SLC16A12: variants seen among roughly 807,000 people sequenced by gnomAD.
The protein encoded by SLC16A12 is solute carrier family 16 member 12.
A neutral mutation model predicts 42.4 loss-of-function variants in SLC16A12; 17 were observed. The ratio of observed to expected loss-of-function variants is 0.40; its 90% CI spans 0.27 to 0.60. SLC16A12 has a LOEUF of 0.60. Among genes scored for constraint, SLC16A12 ranks in the 20% least tolerant of loss-of-function variants. The pLI is 0.42. For missense variants in SLC16A12, 544 were observed against 623.0 expected (o/e 0.87, Z 1.35); for synonymous variants, 224 against 229.4 (o/e 0.98, Z 0.21).
chr10:89,469,705 G>A (rs529547785), intron 2 of SLC16A12, among the ~76,000 whole-genome samples: 1 of 152,242 alleles, frequency 6.6e-6, no homozygotes, highest in South Asian at 2.1e-4. Context: ...GTGGGCATTT[G>A]GGCTGAGTCC....
In SLC16A12 at chr10:89,506,627, G is replaced by A. The variant is rs538970065; in HGVS notation, c.-47+27874C>T. 3.9e-5 allele frequency among the ~76,000 whole-genome samples: 6 copies of A among 152,248 alleles called. No individual in the cohort carries two copies. The East Asian group carries it at 5.8e-4, about 15-fold the overall frequency. ...ACCACAAAGATGGGGAGAAACCAGC[G>A]CAGAAAGGCTAAAAATTCCAAAAAC... On this transcript the variant is annotated intron_variant, in intron 2 of 7. Transcript: ENST00000371790.
intron 2 of SLC16A12, among the ~76,000 whole-genome samples, chr10:89,478,199 T>C (rs1464682620): frequency 6.6e-6 from 1 of 151,866 alleles, no homozygotes; most frequent in Admixed American, 6.6e-5. Context: ...TCTTGGAGAG[T>C]TGACGTAGAA....
intron 4 of SLC16A12, among the ~76,000 whole-genome samples, chr10:89,443,542 C>A (rs752329679): frequency 1.8e-4 from 27 of 152,222 alleles, no homozygotes; most frequent in Non-Finnish European, 3.4e-4. Flanking sequence ...AACTGTTCTA[C>A]CTGACATCAG....
chr10:89,453,883 C>T lies in SLC16A12; in HGVS notation c.200+8496G>A, dbSNP rs1329080418. On this transcript the variant is annotated intron_variant, in intron 3 of 7. Coordinates refer to ENST00000371790, the MANE Select transcript of SLC16A12 (RefSeq NM_213606.4). ...CATCCCTGGCTTCTACCCAAAATGT[C>T]TCCAAACATTGCTAAATGCACCCTG... is the stretch of plus-strand genomic sequence containing the variant. Among the ~76,000 whole-genome samples the T allele has an allele frequency of 2.6e-5, 4 of 152,132 alleles. No homozygotes were observed. In the East Asian group the frequency reaches 5.8e-4, roughly 22 times the overall value.
chr10:89,462,254 TAC>T, intron 3 of SLC16A12, 123 bp downstream of exon 3: 5 of 1,350,972 alleles, frequency 3.7e-6, no homozygotes, highest in Non-Finnish European at 4.1e-6. Context: ...TCAACGGAAA[TAC>T]ACACACACCA....
chr10:89,438,901 G>A lies in SLC16A12; in HGVS notation c.731C>T (p.Thr244Ile). Residue 244 changes from threonine to isoleucine, a missense_variant, in exon 6 of 8, where the codon ACT becomes ATT. By Grantham distance (89) the Thr-to-Ile change is moderately conservative. Coordinates refer to ENST00000371790, the MANE Select transcript of SLC16A12 (RefSeq NM_213606.4). ...CACCCGCTTAATGTCTTCTTTCTGA[G>A]TTCTACACACATGGTTCTGCTCTGG... The part of the protein sequence containing the change: ...TTPEQNHVCR[T>I]QKEDIKRVSP... 5 of 1,614,146 alleles carry A rather than the reference G, an allele frequency of 3.1e-6. No individual in the cohort carries two copies. Among genetic ancestry groups the A allele is most frequent in the Non-Finnish European group, 3.4e-6 (4 of 1,180,014 alleles).
intron 2 of SLC16A12, among the ~76,000 whole-genome samples, chr10:89,491,711 T>C (rs1451740674): frequency 6.6e-6 from 1 of 152,194 alleles, no homozygotes; most frequent in Non-Finnish European, 1.5e-5. Context: ...AATTTCTAAA[T>C]TGAGACTGTG....
chr10:89,555,513 A>ACG (rs1843805827), intron 2 of SLC16A12, among the ~76,000 whole-genome samples: 1 of 121,328 alleles, frequency 8.2e-6, no homozygotes, highest in African/African-American at 2.8e-5. Flanking sequence ...ACGTATATAT[A>ACG]TGTATATATG....
At chr10:89,487,912 C>T (rs1842783999) in intron 2 of SLC16A12, among the ~76,000 whole-genome samples, 1 of 142,626 alleles carries the variant, frequency 7.0e-6, no homozygotes, top group Non-Finnish European at 1.5e-5. Flanking sequence ...GTCACAGAAT[C>T]AATCCAAGTG....
chr10:89,441,183 C>T lies in SLC16A12; in HGVS notation c.373G>A (p.Ala125Thr). ...GAGCTCAGGATGAGTCCAGTAGATG[C>T]AAGCAAGCCACCCAGCATGATTCCC... ...QVGIMLGGLL[A>T]STGLILSSFA... Residue 125 changes from alanine (A) to threonine (T), a missense_variant, in exon 5 of 8, where the codon GCA becomes ACA. Physicochemically the swap from Ala to Thr is moderately conservative, Grantham distance 58 (BLOSUM62 0). Transcript: ENST00000371790. 1.9e-6 allele frequency: 3 copies of T among 1,613,972 alleles called. No homozygotes were observed. The highest frequency in any genetic ancestry group is 1.7e-6 in the Non-Finnish European group (2 of 1,179,900).
intron 2 of SLC16A12, among the ~76,000 whole-genome samples, chr10:89,483,664 C>T (rs1179351611): frequency 6.8e-6 from 1 of 146,822 alleles, no homozygotes; most frequent in Non-Finnish European, 1.5e-5. Context: ...GACTTTGAGG[C>T]TGTAGTGCAT....
At chr10:89,536,899 G>A (rs141293131), upstream of SLC16A12, among the ~76,000 whole-genome samples, 338 of 152,264 alleles carry the variant, frequency 2.2e-3, 2 homozygotes, top group African/African-American at 7.5e-3. Flanking sequence ...GTGCAGTGGT[G>A]CGATTTTGGC....
intron 2 of SLC16A12, among the ~76,000 whole-genome samples, chr10:89,529,441 T>C (rs1843505240): frequency 6.6e-6 from 1 of 152,140 alleles, no homozygotes; most frequent in Non-Finnish European, 1.5e-5. Flanking sequence ...AGCTACTTTG[T>C]TTACATATAT....
rs1257443964 is a variant in SLC16A12, at chr10:89,453,718, G to A, written c.200+8661C>T. Among the ~76,000 whole-genome samples, 4 of 151,960 alleles carry A rather than the reference G, an allele frequency of 2.6e-5. No homozygotes were observed. In the East Asian group the frequency reaches 7.7e-4, roughly 29 times the overall value. On this transcript the variant is annotated intron_variant, in intron 3 of 7. Coordinates refer to ENST00000371790, the MANE Select transcript of SLC16A12 (RefSeq NM_213606.4). Reference sequence around the variant, plus strand: ...CTTAATGATATATTTCTCAGAACACGTCCCCGTCATTAAGCAACACATGAC... The same window carrying A: ...CTTAATGATATATTTCTCAGAACACATCCCCGTCATTAAGCAACACATGAC...
intron 3 of SLC16A12, among the ~76,000 whole-genome samples, chr10:89,449,732 G>A (rs1369413981): frequency 6.6e-6 from 1 of 152,030 alleles, no homozygotes; most frequent in Admixed American, 6.6e-5. Context: ...CAAAAGCAAT[G>A]GCAACAAAAG....
At chr10:89,436,664 G>C (rs1841790464) in intron 6 of SLC16A12, among the ~76,000 whole-genome samples, 1 of 151,916 alleles carries the variant, frequency 6.6e-6, no homozygotes. Flanking sequence ...AAATAAAATA[G>C]AAATAAAATG....
intron 2 of SLC16A12, among the ~76,000 whole-genome samples, chr10:89,505,446 A>G (rs538177940): frequency 6.6e-6 from 1 of 152,078 alleles, no homozygotes; most frequent in Non-Finnish European, 1.5e-5. Context: ...ACAAAAAAAA[A>G]CAAGAATTCC....
intron 3 of SLC16A12, among the ~76,000 whole-genome samples, chr10:89,452,819 C>T (rs992219260): frequency 4.6e-5 from 7 of 152,154 alleles, no homozygotes; most frequent in African/African-American, 1.2e-4. Flanking sequence ...TCAGTCAATC[C>T]CAAATGAAAT....
chr10:89,452,513 C>T (rs974520140), intron 3 of SLC16A12, among the ~76,000 whole-genome samples: 1 of 151,996 alleles, frequency 6.6e-6, no homozygotes, highest in African/African-American at 2.4e-5. Context: ...TTAAAGAGAC[C>T]ACTGAAGAAA....
Sources: gnomAD v4.1 joint callset for allele counts (sites outside exome capture counted in the v4.1 genomes callset) on GRCh38, gnomAD v4.1.1 for gene constraint, MANE v1.5 for transcripts, NCBI Gene and HGNC (gene_info 2026-07-23, HGNC 2026-07-21) for gene names.